Variants in SH3BGRL observed in about 807,000 individuals in gnomAD.
SH3BGRL encodes the protein adapter SH3BGRL.
In SH3BGRL, 7 loss-of-function variants were observed where a neutral mutation model predicts 9.8. That is an observed-to-expected ratio of 0.72 (90% CI 0.41 to 1.35). The LOEUF (loss-of-function observed/expected upper bound fraction) is 1.35, where lower values mean the gene tolerates loss of function less well. Among genes scored for constraint, SH3BGRL ranks in the 40% most tolerant of loss-of-function variants. SH3BGRL has a pLI of 0.01. For missense variants in SH3BGRL, 73 were observed against 84.4 expected (o/e 0.86, Z 0.53); for synonymous variants, 36 against 29.1 (o/e 1.24, Z -0.76).
intron 3 of SH3BGRL, among the ~76,000 whole-genome samples, chrX:81,284,340 G>A (rs2075827655): frequency 9.1e-6 from 1 of 109,702 alleles, no homozygotes; most frequent in African/African-American, 3.3e-5. Context: ...AAGTGATTGA[G>A]AGGGCCTAAA....
chrX:81,244,462 G>T (rs1485119176), intron 1 of SH3BGRL, among the ~76,000 whole-genome samples: 2 of 111,582 alleles, frequency 1.8e-5, no homozygotes, highest in Non-Finnish European at 3.8e-5. Flanking sequence ...TGTCATGCTT[G>T]TTGCCCTAAG....
chrX:81,224,913 C>T (rs1047620700), intron 1 of SH3BGRL, among the ~76,000 whole-genome samples: 3 of 109,474 alleles, frequency 2.7e-5, no homozygotes, highest in Non-Finnish European at 3.8e-5. Context: ...AGAGAAACCA[C>T]GAAGGAGGCG....
chrX:81,280,436 C>T (rs2075812669), intron 3 of SH3BGRL, among the ~76,000 whole-genome samples: 1 of 111,895 alleles, frequency 8.9e-6, no homozygotes, highest in South Asian at 3.8e-4. Flanking sequence ...CCACCTCCTC[C>T]ACCAGACCAG....
In SH3BGRL at chrX:81,297,818, T is replaced by C. The variant is rs760768319; in HGVS notation, c.*591T>C. The stretch of plus-strand genomic sequence containing the variant: ...TTTCTGAGCTTCTAAATGTAGCCTT[T>C]CATTGCACATTTCAGTGATCAGAAT... On this transcript the variant is annotated 3_prime_UTR_variant, in exon 4 of 4. Transcript: ENST00000373212. 8.9e-6 allele frequency: 1 copy of C among 112,205 alleles called. No individual in the cohort carries two copies. Among genetic ancestry groups the C allele is most frequent in the Non-Finnish European group, 1.9e-5 (1 of 53,101 alleles). 9.2% of individuals were successfully genotyped at this position (112,205 alleles called of 1,213,427 possible).
chrX:81,239,862 A>G (rs2075662270), intron 1 of SH3BGRL, among the ~76,000 whole-genome samples: 1 of 112,100 alleles, frequency 8.9e-6, no homozygotes, highest in Admixed American at 9.4e-5. Flanking sequence ...AGAGAGTGGG[A>G]CGATATATTT....
intron 3 of SH3BGRL, among the ~76,000 whole-genome samples, chrX:81,286,497 G>T (rs1226244273): frequency 1.6e-3 from 26 of 16,762 alleles, no homozygotes; most frequent in African/African-American, 5.3e-3. Context: ...TAGCTACTAG[G>T]CAAAAAAAAA....
chrX:81,272,121 C>T lies in SH3BGRL; in HGVS notation c.46-4863C>T, dbSNP rs761849047. ...CTGAGGTGGGAGAATGGCATGAACC[C>T]GGGAGGCAGAGCTTGCAGTGAGCTG... On this transcript the variant is annotated intron_variant, in intron 1 of 3. Transcript: ENST00000373212. Among the ~76,000 whole-genome samples, 4 of 102,410 alleles carry T rather than the reference C, an allele frequency of 3.9e-5. No homozygotes were observed. The East Asian group carries it at 1.3e-3, about 32-fold the overall frequency. The allele number at this position is 102,410 out of a possible 115,157, so 88.9% of individuals were successfully genotyped here.
chrX:81,220,050 G>A (rs1380614787), intron 1 of SH3BGRL, among the ~76,000 whole-genome samples: 1 of 111,042 alleles, frequency 9.0e-6, no homozygotes, highest in African/African-American at 3.3e-5. Flanking sequence ...TTGCATCAAT[G>A]TTCATCAGGG....
At position 81,277,296 on chromosome X, in the gene SH3BGRL, C is replaced by T. The variant is rs1040691166; in HGVS notation, c.231+127C>T. 4 of 554,616 alleles carry T rather than the reference C, an allele frequency of 7.2e-6. No homozygotes were observed. In the African/African-American group the frequency reaches 9.8e-5, roughly 14 times the overall value. 45.7% of individuals were successfully genotyped at this position (554,616 alleles called of 1,213,427 possible). A position where few individuals can be genotyped will look rare whatever the true frequency, so the allele number is the denominator to read the frequency against. On this transcript the variant is annotated intron_variant, in intron 2 of 3. Transcript: ENST00000373212. Reference sequence around the variant, plus strand: ...TCTTGCATATAGTCATTTGTCCTTTCCATCCACTCAAAGGCTGGATGTAGA... The same window carrying T: ...TCTTGCATATAGTCATTTGTCCTTTTCATCCACTCAAAGGCTGGATGTAGA...
At chrX:81,288,930 A>C (rs973465108) in intron 3 of SH3BGRL, among the ~76,000 whole-genome samples, 2 of 112,172 alleles carry the variant, frequency 1.8e-5, no homozygotes, top group East Asian at 5.6e-4. Flanking sequence ...AAAAAATCTA[A>C]AATTCATGGG....
chrX:81,251,708 A>C (rs1481049579), intron 1 of SH3BGRL, among the ~76,000 whole-genome samples: 3 of 111,985 alleles, frequency 2.7e-5, no homozygotes, highest in African/African-American at 9.7e-5. Context: ...TGTCCCACTA[A>C]ACTTTAAACA....
chrX:81,284,553 C>T (rs1569370581), intron 3 of SH3BGRL, among the ~76,000 whole-genome samples: 1 of 110,658 alleles, frequency 9.0e-6, no homozygotes, highest in Admixed American at 9.7e-5. Flanking sequence ...AGTCAGTGAT[C>T]CAGGGAAGAA....
At chrX:81,272,400 C>T (rs1282510425) in intron 1 of SH3BGRL, among the ~76,000 whole-genome samples, 7 of 110,919 alleles carry the variant, frequency 6.3e-5, no homozygotes, top group Middle Eastern at 4.7e-3. Flanking sequence ...ACTGAATTGG[C>T]AGCTTTAAAT....
intron 1 of SH3BGRL, among the ~76,000 whole-genome samples, chrX:81,257,767 C>T (rs1030809429): frequency 9.0e-6 from 1 of 110,747 alleles, no homozygotes; most frequent in Non-Finnish European, 1.9e-5. Flanking sequence ...GGGAGGGAAG[C>T]ATACAAGGGA....
At chrX:81,295,153 A>G (rs1336402410) in intron 3 of SH3BGRL, among the ~76,000 whole-genome samples, 3 of 111,777 alleles carry the variant, frequency 2.7e-5, no homozygotes, top group Non-Finnish European at 5.6e-5. Context: ...ACTTTGTGGG[A>G]CTTTTGGGAA....
chrX:81,217,012 A>G (rs2075583199), intron 1 of SH3BGRL, among the ~76,000 whole-genome samples: 1 of 108,671 alleles, frequency 9.2e-6, no homozygotes, highest in African/African-American at 3.3e-5. Flanking sequence ...TCTTTGAGGA[A>G]CCTCCCAACT....
rs369576802 is a variant in SH3BGRL, at chrX:81,220,270, G to A, written c.45+18025G>A. The stretch of plus-strand genomic sequence containing the variant: ...AGGTCCTGGCATTTCTTTGCTGGAA[G>A]ACTCTGTTGCAGCTTTGTTCTCATT... On this transcript the variant is annotated intron_variant, in intron 1 of 3. Transcript: ENST00000373212. 2.4e-3 allele frequency among the ~76,000 whole-genome samples: 271 copies of A among 111,591 alleles called. 1 individual carries two copies. Among genetic ancestry groups the A allele is most frequent in the African/African-American group, 8.4e-3 (258 of 30,824 alleles).
At chrX:81,226,825 T>A (rs1329096503) in intron 1 of SH3BGRL, among the ~76,000 whole-genome samples, 1 of 109,644 alleles carries the variant, frequency 9.1e-6, no homozygotes, top group Non-Finnish European at 1.9e-5. Flanking sequence ...GAAAATAGAA[T>A]CTCTCCTAGA....
intron 1 of SH3BGRL, among the ~76,000 whole-genome samples, chrX:81,253,499 G>A (rs937003706): frequency 1.8e-5 from 2 of 111,299 alleles, no homozygotes; most frequent in African/African-American, 6.5e-5. Flanking sequence ...AATTACAAGC[G>A]TGAGCCACTT....
Sources: allele counts gnomAD v4.1 joint callset (sites outside exome capture counted in the v4.1 genomes callset), GRCh38; gene constraint gnomAD v4.1.1; transcripts MANE v1.5; gene names NCBI Gene and HGNC (gene_info 2026-07-23, HGNC 2026-07-21).